The following PTPN5 variants were observed in gnomAD, a reference collection of about 807,000 sequenced individuals.
PTPN5 encodes the protein tyrosine-protein phosphatase non-receptor type 5.
PTPN5 carries 29 observed loss-of-function variants against 73.9 expected under a neutral mutation model. The observed-to-expected ratio is 0.39, with a 90% CI of 0.29 to 0.54. The LOEUF is 0.54. Ranked by LOEUF, PTPN5 falls within the 20% of genes least tolerant of loss-of-function variation. The probability of loss-of-function intolerance (pLI) is 0.65; values close to 1 mark genes in which losing one functional copy is unlikely to be tolerated. For synonymous variants in PTPN5, 267 were observed against 304.7 expected (o/e 0.88, Z 1.29); for missense variants, 652 against 751.4 (o/e 0.87, Z 1.55).
chr11:18,765,903 G>A lies in PTPN5; in HGVS notation c.21-20C>T. On this transcript the variant is annotated intron_variant, in intron 2 of 14. Coordinates refer to ENST00000358540, the MANE Select transcript of PTPN5 (RefSeq NM_006906.2). ...TCACTCCTGCAGCAGGATGGAAAAG[G>A]TAAGAATATGCTGTTGAGCCAGGAT... 1 of 1,535,174 alleles carries A rather than the reference G, an allele frequency of 6.5e-7. No individual in the cohort carries two copies. The highest frequency in any genetic ancestry group is 8.9e-7 in the Non-Finnish European group (1 of 1,128,458).
At chr11:18,750,020 C>T (rs1423789304) in intron 3 of PTPN5, among the ~76,000 whole-genome samples, 3 of 152,174 alleles carry the variant, frequency 2.0e-5, no homozygotes, top group East Asian at 1.9e-4. Context: ...CATGAATTAC[C>T]GGCTGTCAGA....
At chr11:18,772,144 G>C in intron 1 of PTPN5, 73 bp from the exon 2 acceptor site, 2 of 539,100 alleles carry the variant, frequency 3.7e-6, no homozygotes, top group South Asian at 5.4e-5. Context: ...TTTGCTTTCA[G>C]GTAGTTAAAA....
Position 18,733,234 on chromosome 11 carries a change from C to G in PTPN5, c.1218+1G>C. ...CTTAGAATGGGGACGGGGGTCCCTA[C>G]CTCGTTCATCTCCTCGATGTTGGTG... On this transcript the variant is annotated splice_donor_variant, in intron 11 of 14. Coordinates refer to ENST00000358540, the MANE Select transcript of PTPN5 (RefSeq NM_006906.2). LOFTEE classifies it high-confidence loss of function. This position sits in a 1 kb window ranked among gnomAD's most constrained non-coding sequence, Gnocchi z 4.3. 2 of 1,610,134 alleles carry G rather than the reference C, an allele frequency of 1.2e-6. No individual in the cohort carries two copies. Among genetic ancestry groups the G allele is most frequent in the Non-Finnish European group, 1.7e-6 (2 of 1,176,818 alleles).
At chr11:18,779,531 T>A (rs958879033) in intron 1 of PTPN5, among the ~76,000 whole-genome samples, 5 of 152,150 alleles carry the variant, frequency 3.3e-5, no homozygotes, top group Admixed American at 6.5e-5. Context: ...GACAACCCCA[T>A]GAAAACATCA....
intron 2 of PTPN5, among the ~76,000 whole-genome samples, chr11:18,770,038 A>G (rs1016132043): frequency 3.3e-5 from 5 of 152,124 alleles, no homozygotes; most frequent in African/African-American, 1.2e-4. Flanking sequence ...GTAGGTCTGT[A>G]ACACGAAGTG....
In PTPN5 at chr11:18,728,834, G is replaced by C; in HGVS notation, c.*100C>G. On this transcript the variant is annotated 3_prime_UTR_variant, in exon 15 of 15. Transcript: ENST00000358540. This position sits in a 1 kb window ranked among gnomAD's most constrained non-coding sequence, Gnocchi z 4.1. ...AGGACAGAGGGAGCTGACTGAAGGG[G>C]AGGAAGCGGGGAGCAGGCCCAGGAC... The C allele has an allele frequency of 8.9e-7, 1 of 1,124,786 alleles. No individual in the cohort carries two copies. 69.7% of individuals were successfully genotyped at this position (1,124,786 alleles called of 1,614,324 possible).
intron 3 of PTPN5, among the ~76,000 whole-genome samples, chr11:18,749,989 C>T (rs562033519): frequency 2.4e-4 from 36 of 152,312 alleles, no homozygotes; most frequent in African/African-American, 8.7e-4. Context: ...AAGAACATGA[C>T]ACTCAGACCT....
chr11:18,761,951 T>C (rs986013837), intron 3 of PTPN5, among the ~76,000 whole-genome samples: 1 of 152,128 alleles, frequency 6.6e-6, no homozygotes, highest in Non-Finnish European at 1.5e-5. Flanking sequence ...CGGGTGACTG[T>C]GCGTGGGAAC....
chr11:18,730,235 T>C (rs1848816133), intron 12 of PTPN5: 7 of 359,136 alleles, frequency 1.9e-5, no homozygotes, highest in Non-Finnish European at 3.5e-5. Flanking sequence ...CTCGCCTCTA[T>C]CTTAGTGCTG....
chr11:18,741,448 A>C (rs2134218991), intron 7 of PTPN5, among the ~76,000 whole-genome samples: 1 of 152,298 alleles, frequency 6.6e-6, no homozygotes, highest in African/African-American at 2.4e-5. Flanking sequence ...AAGGGCCAAG[A>C]GTTGTCCAGG....
At chr11:18,755,180 A>G (rs879765114) in intron 3 of PTPN5, among the ~76,000 whole-genome samples, 17 of 152,168 alleles carry the variant, frequency 1.1e-4, no homozygotes, top group Non-Finnish European at 1.9e-4. Flanking sequence ...CGAGGTACTG[A>G]GACCTCTGGC....
intron 1 of PTPN5, among the ~76,000 whole-genome samples, chr11:18,789,740 G>A (rs1020718017): frequency 6.6e-6 from 1 of 152,196 alleles, no homozygotes; most frequent in Non-Finnish European, 1.5e-5. Context: ...TGAGAGCTAA[G>A]CTATGAGGAT....
intron 3 of PTPN5, among the ~76,000 whole-genome samples, chr11:18,751,848 G>A (rs550634218): frequency 6.6e-6 from 1 of 152,314 alleles, no homozygotes; most frequent in African/African-American, 2.4e-5. Flanking sequence ...CCCATCAATA[G>A]GTGGCATCTA....
Position 18,737,939 on chromosome 11 carries a change from G to A in PTPN5, c.941C>T (p.Pro314Leu). 2 of 1,614,140 alleles carry A rather than the reference G, an allele frequency of 1.2e-6. No individual in the cohort carries two copies. The highest frequency in any genetic ancestry group is 1.1e-5 in the South Asian group (1 of 91,078). ...FFEIPMNFVD[P>L]KEYDIPGLVR... is the part of the protein sequence containing the mutation. ...CAGCCCAGGGATGTCGTACTCTTTCGGATCCACAAAGTTCATGGGGATTTC... is the reference window on the plus strand; with the variant it reads ...CAGCCCAGGGATGTCGTACTCTTTCAGATCCACAAAGTTCATGGGGATTTC... Residue 314 changes from proline (P) to leucine (L), a missense_variant, in exon 9 of 15, where the codon CCG (proline) becomes CTG (leucine). By Grantham distance (98) the Pro-to-Leu change is moderately conservative (BLOSUM62 -3). Coordinates refer to ENST00000358540, the MANE Select transcript of PTPN5 (RefSeq NM_006906.2).
At chr11:18,759,102 T>G (rs1850276120) in intron 3 of PTPN5, among the ~76,000 whole-genome samples, 1 of 152,072 alleles carries the variant, frequency 6.6e-6, no homozygotes, top group Non-Finnish European at 1.5e-5. Flanking sequence ...CCCACTCCAC[T>G]GCTGTAGAAC....
intron 3 of PTPN5, among the ~76,000 whole-genome samples, chr11:18,764,124 A>T (rs1321955551): frequency 6.6e-6 from 1 of 152,178 alleles, no homozygotes; most frequent in African/African-American, 2.4e-5. Flanking sequence ...CCATTGTGGA[A>T]ATTTCCTCTC....
At chr11:18,777,712 A>T (rs1851224413) in intron 1 of PTPN5, among the ~76,000 whole-genome samples, 1 of 152,184 alleles carries the variant, frequency 6.6e-6, no homozygotes, top group South Asian at 2.1e-4. Context: ...TTAGGAGGCC[A>T]AGGCAAGAGG....
intron 2 of PTPN5, among the ~76,000 whole-genome samples, chr11:18,770,756 G>A (rs1431006896): frequency 6.6e-6 from 1 of 152,216 alleles, no homozygotes; most frequent in African/African-American, 2.4e-5. Flanking sequence ...CTGCTCGTTC[G>A]TATGTGTGAA....
chr11:18,758,189 G>A (rs1850237466), intron 3 of PTPN5, among the ~76,000 whole-genome samples: 3 of 152,212 alleles, frequency 2.0e-5, no homozygotes, highest in African/African-American at 7.2e-5. Context: ...CCTATCAAGA[G>A]GTGGCATTTA....
Sources: gnomAD v4.1 joint callset for allele counts (sites outside exome capture counted in the v4.1 genomes callset) on GRCh38, gnomAD v4.1.1 for gene constraint, Gnocchi (gnomAD v3.1) non-coding constraint, MANE v1.5 for transcripts, NCBI Gene and HGNC (gene_info 2026-07-23, HGNC 2026-07-21) for gene names.